The following PLPPR1 variants were observed in gnomAD, a reference collection of about 807,000 sequenced individuals.
PLPPR1 encodes the protein phospholipid phosphatase related 1.
Under a neutral mutation model 33.1 loss-of-function variants are expected in PLPPR1, and 10 were observed. That is an observed-to-expected ratio of 0.30 (90% CI 0.19 to 0.51). The LOEUF is 0.51. Ranked by LOEUF, PLPPR1 falls within the 20% of genes least tolerant of loss-of-function variation. The pLI is 0.97. For synonymous variants in PLPPR1, 151 were observed against 151.0 expected (o/e 1.00, Z 0.00); for missense variants, 304 against 408.1 (o/e 0.74, Z 2.20).
At chr9:101,037,883 T>C (rs1293185488) in intron 1 of PLPPR1, among the ~76,000 whole-genome samples, 1 of 140,654 alleles carries the variant, frequency 7.1e-6, no homozygotes, top group African/African-American at 2.7e-5. Context: ...TGGATTGACA[T>C]GTAATATGTG....
At chr9:101,182,868 A>G (rs746420043) in intron 1 of PLPPR1, among the ~76,000 whole-genome samples, 1 of 151,854 alleles carries the variant, frequency 6.6e-6, no homozygotes, top group Non-Finnish European at 1.5e-5. Flanking sequence ...ATATATAAAA[A>G]TGGCTAATAA....
intron 2 of PLPPR1, among the ~76,000 whole-genome samples, chr9:101,252,890 G>A (rs1380613226): frequency 6.6e-6 from 1 of 151,878 alleles, no homozygotes; most frequent in East Asian, 1.9e-4. Flanking sequence ...TTCTAATATG[G>A]AGTCATAAAA....
At chr9:101,148,766 C>G (rs1831550268) in intron 1 of PLPPR1, among the ~76,000 whole-genome samples, 1 of 152,190 alleles carries the variant, frequency 6.6e-6, no homozygotes, top group African/African-American at 2.4e-5. Context: ...CCCACAGAGA[C>G]TCATCCCACC....
At chr9:101,191,442 C>G (rs1349399503) in intron 2 of PLPPR1, among the ~76,000 whole-genome samples, 1 of 152,158 alleles carries the variant, frequency 6.6e-6, no homozygotes, top group Non-Finnish European at 1.5e-5. Flanking sequence ...TCTTCCTTCT[C>G]TCCCGTTCCA....
At chr9:101,317,306 G>A (rs1588124606) in intron 6 of PLPPR1, 59 bp from the exon 7 acceptor site, 1 of 1,565,630 alleles carries the variant, frequency 6.4e-7, no homozygotes, top group East Asian at 2.3e-5. Context: ...CACCCTCACA[G>A]ATGCCAGGCA....
intron 1 of PLPPR1, among the ~76,000 whole-genome samples, chr9:101,139,846 A>G (rs1178389174): frequency 2.0e-5 from 3 of 152,214 alleles, no homozygotes; most frequent in Non-Finnish European, 2.9e-5. Context: ...TAGAATGGCC[A>G]TTTTGAACTA....
intron 4 of PLPPR1, among the ~76,000 whole-genome samples, chr9:101,298,714 A>G (rs1828692933): frequency 6.6e-6 from 1 of 152,176 alleles, no homozygotes; most frequent in African/African-American, 2.4e-5. Flanking sequence ...GGTGTTTAGA[A>G]TCTATGAGTG....
At chr9:101,068,377 G>A (rs747804570) in intron 1 of PLPPR1, among the ~76,000 whole-genome samples, 2 of 152,004 alleles carry the variant, frequency 1.3e-5, no homozygotes, top group Non-Finnish European at 2.9e-5. Flanking sequence ...GACAAGTCCC[G>A]GTAGGGGCTT....
chr9:101,214,072 G>A (rs1173525539), intron 2 of PLPPR1, among the ~76,000 whole-genome samples: 1 of 152,118 alleles, frequency 6.6e-6, no homozygotes, highest in East Asian at 1.9e-4. Context: ...AGAAAAATCT[G>A]TATAAAGAGA....
chr9:101,117,507 T>A (rs372438301), intron 1 of PLPPR1, among the ~76,000 whole-genome samples: 1 of 152,154 alleles, frequency 6.6e-6, no homozygotes, highest in South Asian at 2.1e-4. Flanking sequence ...TTCACCCTTT[T>A]CCTGGAAAAC....
chr9:101,241,462 A>G (rs140757502), intron 2 of PLPPR1, among the ~76,000 whole-genome samples: 1 of 152,110 alleles, frequency 6.6e-6, no homozygotes, highest in African/African-American at 2.4e-5. Context: ...TGTTTTAAGA[A>G]AATCTATGAA....
intron 1 of PLPPR1, among the ~76,000 whole-genome samples, chr9:101,124,859 T>A (rs1375471762): frequency 6.6e-6 from 1 of 152,226 alleles, no homozygotes; most frequent in Non-Finnish European, 1.5e-5. Context: ...CCTGCGGCCT[T>A]AAGATGAGTT....
chr9:101,161,310 T>C (rs1364722626), intron 1 of PLPPR1, among the ~76,000 whole-genome samples: 1 of 152,130 alleles, frequency 6.6e-6, no homozygotes, highest in Non-Finnish European at 1.5e-5. Context: ...ACACATTAAG[T>C]TGAGGAAAGA....
intron 1 of PLPPR1, among the ~76,000 whole-genome samples, chr9:101,178,150 T>C (rs1018705200): frequency 2.0e-5 from 3 of 152,322 alleles, no homozygotes; most frequent in Admixed American, 2.0e-4. Flanking sequence ...GACCTGTGGA[T>C]ACCACTCAGC....
intron 2 of PLPPR1, among the ~76,000 whole-genome samples, chr9:101,249,698 G>A (rs560048667): frequency 7.9e-5 from 12 of 152,024 alleles, no homozygotes; most frequent in Admixed American, 2.0e-4. Flanking sequence ...TTGTCTGATC[G>A]TTTAGTTAGG....
At chr9:101,078,358 A>G (rs776239) in intron 1 of PLPPR1, among the ~76,000 whole-genome samples, 3,697 of 151,868 alleles carry the variant, frequency 0.024, 105 homozygotes, top group Admixed American at 0.095. Flanking sequence ...GGGACAGACA[A>G]CGATATTTAA....
chr9:101,274,197 C>G (rs1316881052), intron 3 of PLPPR1, among the ~76,000 whole-genome samples: 1 of 152,146 alleles, frequency 6.6e-6, no homozygotes, highest in African/African-American at 2.4e-5. Flanking sequence ...ACAAACCCCC[C>G]AAATATATTA....
chr9:101,261,985 T>C (rs1269446206), intron 2 of PLPPR1, among the ~76,000 whole-genome samples: 1 of 150,772 alleles, frequency 6.6e-6, no homozygotes, highest in South Asian at 2.1e-4. Context: ...AACTTAAAAG[T>C]TAAAAAAAAA....
chr9:101,266,478 G>A (rs2118889102), intron 2 of PLPPR1, among the ~76,000 whole-genome samples: 1 of 152,162 alleles, frequency 6.6e-6, no homozygotes, highest in Non-Finnish European at 1.5e-5. Context: ...GGCTGCTCGG[G>A]GGAAGAGCCA....
Sources: allele counts gnomAD v4.1 joint callset (sites outside exome capture counted in the v4.1 genomes callset), GRCh38; gene constraint gnomAD v4.1.1; transcripts MANE v1.5; gene names NCBI Gene and HGNC (gene_info 2026-07-23, HGNC 2026-07-21).